PHACTR3: variants seen among roughly 807,000 people sequenced by gnomAD.
PHACTR3 encodes phosphatase and actin regulator 3.
PHACTR3 carries 16 observed loss-of-function variants against 66.8 expected under a neutral mutation model. That is an observed-to-expected ratio of 0.24 (90% CI 0.16 to 0.36). The LOEUF (loss-of-function observed/expected upper bound fraction) is 0.36, where lower values mean the gene tolerates loss of function less well. Ranked by LOEUF, PHACTR3 falls within the 10% of genes least tolerant of loss-of-function variation. The probability of loss-of-function intolerance (pLI) is 1.00; values close to 1 mark genes in which losing one functional copy is unlikely to be tolerated. For synonymous variants in PHACTR3, 323 were observed against 292.1 expected (o/e 1.11, Z -1.08); for missense variants, 647 against 719.9 (o/e 0.90, Z 1.16).
chr20:59,580,347 A>T (rs2032822965), intron 1 of PHACTR3, among the ~76,000 whole-genome samples: 1 of 152,084 alleles, frequency 6.6e-6, no homozygotes, highest in Non-Finnish European at 1.5e-5. Context: ...AACCAGGAGG[A>T]TCTGTCCAGC....
chr20:59,808,350 C>T (rs1013352447), intron 8 of PHACTR3, among the ~76,000 whole-genome samples: 2 of 152,244 alleles, frequency 1.3e-5, no homozygotes, highest in Non-Finnish European at 2.9e-5. Flanking sequence ...TCTGTTTCCC[C>T]TTTCACCAGG....
At chr20:59,668,080 G>A (rs545833117) in intron 1 of PHACTR3, among the ~76,000 whole-genome samples, 8 of 152,138 alleles carry the variant, frequency 5.3e-5, no homozygotes, top group Non-Finnish European at 1.0e-4. Flanking sequence ...ACACCTGTAC[G>A]GACTTAGAGG....
chr20:59,663,526 T>G (rs1042636968), intron 1 of PHACTR3, among the ~76,000 whole-genome samples: 2 of 152,240 alleles, frequency 1.3e-5, no homozygotes, highest in Non-Finnish European at 2.9e-5. Context: ...AATGTTTCGG[T>G]TCACTCTTAC....
rs548207995 is a variant in PHACTR3, at chr20:59,743,364, C to T, written c.280+96C>T. ...CTGCTGATCTGTGACTTCCTGGCCCCTACACAGGAGGGGCAGATGTGCTTC... is the reference window on the plus strand; with the variant it reads ...CTGCTGATCTGTGACTTCCTGGCCCTTACACAGGAGGGGCAGATGTGCTTC... On this transcript the variant is annotated intron_variant, in intron 2 of 12. Coordinates refer to ENST00000371015, the MANE Select transcript of PHACTR3 (RefSeq NM_080672.5). 35 of 1,466,280 alleles carry T rather than the reference C, an allele frequency of 2.4e-5. No individual in the cohort carries two copies. In the South Asian group the frequency reaches 4.0e-4, roughly 17 times the overall value. The allele number at this position is 1,466,280 out of a possible 1,614,324, so 90.8% of individuals were successfully genotyped here. A position where few individuals can be genotyped will look rare whatever the true frequency, so the allele number is the denominator to read the frequency against.
Position 59,773,389 on chromosome 20 carries a change from C to G in PHACTR3, c.862C>G (p.Leu288Val). Residue 288 changes from leucine to valine, a missense_variant, in exon 6 of 13, where the codon CTT becomes GTT. Leu to Val is a conservative substitution (Grantham distance 32). Around this residue, in one of 2 missense-constraint regions of PHACTR3, gnomAD observed 577 missense variants for 571.1 expected, o/e 1.01. Transcript: ENST00000371015. ...SPHLTTVHRP[L>V]PPSRVIEELH... ...GCATCTCACCACGGTCCACCGGCCT[C>G]TTCCCCCAAGCCGCGTCATTGAGGA... The G allele has an allele frequency of 6.2e-7, 1 of 1,614,188 alleles. No individual in the cohort carries two copies. Among genetic ancestry groups the G allele is most frequent in the Non-Finnish European group, 8.5e-7 (1 of 1,180,040 alleles).
intron 1 of PHACTR3, among the ~76,000 whole-genome samples, chr20:59,584,198 A>G (rs549400708): frequency 1.3e-5 from 2 of 152,212 alleles, no homozygotes; most frequent in African/African-American, 4.8e-5. Flanking sequence ...GTGAACGTGC[A>G]TGAGAGTGTG....
chr20:59,788,546 A>T (rs2040994475), intron 7 of PHACTR3, among the ~76,000 whole-genome samples: 1 of 152,132 alleles, frequency 6.6e-6, no homozygotes, highest in Non-Finnish European at 1.5e-5. Context: ...AAAGGTGAGC[A>T]GGCCCAAGCT....
At chr20:59,787,659 C>T (rs370878910) in intron 7 of PHACTR3, among the ~76,000 whole-genome samples, 95 of 152,318 alleles carry the variant, frequency 6.2e-4, no homozygotes, top group African/African-American at 2.2e-3. Flanking sequence ...CTTAGACAGC[C>T]CCTCTGGCCA....
intron 3 of PHACTR3, among the ~76,000 whole-genome samples, chr20:59,751,999 G>A (rs1161296825): frequency 6.6e-6 from 1 of 152,112 alleles, no homozygotes; most frequent in African/African-American, 2.4e-5. Context: ...GCGTTGACTT[G>A]GCATTTTCTT....
chr20:59,688,862 C>T lies in PHACTR3; in HGVS notation c.119-54245C>T, dbSNP rs143259847. ...TTTTAATGTGATCAGGACAAAGAGG[C>T]CAAGAGTGTTGTAGGAAGTAAGCTT... is the stretch of plus-strand genomic sequence containing the variant. On this transcript the variant is annotated intron_variant, in intron 1 of 12. Transcript: ENST00000371015. 2.4e-3 allele frequency among the ~76,000 whole-genome samples: 367 copies of T among 152,192 alleles called. 4 individuals carry two copies. Among genetic ancestry groups the T allele is most frequent in the African/African-American group, 8.2e-3 (340 of 41,524 alleles).
chr20:59,767,419 A>G (rs369651937), intron 5 of PHACTR3, 24 bp downstream of exon 5: 651 of 1,604,494 alleles, frequency 4.1e-4, no homozygotes, highest in Non-Finnish European at 5.3e-4. Context: ...CATCCTGCCC[A>G]TTCTATTTCC....
intron 1 of PHACTR3, among the ~76,000 whole-genome samples, chr20:59,741,111 C>T (rs140022798): frequency 6.6e-6 from 1 of 152,248 alleles, no homozygotes; most frequent in Admixed American, 6.5e-5. Flanking sequence ...GACCTCCTTC[C>T]TCAGGTGAGC....
intron 7 of PHACTR3, among the ~76,000 whole-genome samples, chr20:59,780,225 GC>G (rs2040678949): frequency 6.6e-6 from 1 of 152,204 alleles, no homozygotes; most frequent in Non-Finnish European, 1.5e-5. Context: ...TGACAGCAAG[GC>G]TGCAGGCTAG....
At chr20:59,733,149 G>A (rs2038829341) in intron 1 of PHACTR3, among the ~76,000 whole-genome samples, 1 of 149,018 alleles carries the variant, frequency 6.7e-6, no homozygotes, top group Admixed American at 6.7e-5. Flanking sequence ...ATTATAAGCA[G>A]TGTGACTATA....
At chr20:59,723,723 CAT>C (rs1343381482) in intron 1 of PHACTR3, among the ~76,000 whole-genome samples, 1 of 151,868 alleles carries the variant, frequency 6.6e-6, no homozygotes, top group Admixed American at 6.6e-5. Flanking sequence ...GTCGAATGGT[CAT>C]ATGGCGACTC....
intron 1 of PHACTR3, among the ~76,000 whole-genome samples, chr20:59,629,344 G>A (rs565288431): frequency 6.6e-6 from 1 of 152,356 alleles, no homozygotes; most frequent in South Asian, 2.1e-4. Flanking sequence ...GGCCCTGGCT[G>A]CCTGAGAAGG....
intron 1 of PHACTR3, among the ~76,000 whole-genome samples, chr20:59,582,585 A>G (rs2032894249): frequency 6.6e-6 from 1 of 152,194 alleles, no homozygotes; most frequent in Admixed American, 6.5e-5. Flanking sequence ...TCTCGCCAGC[A>G]CTTGATACAT....
chr20:59,785,908 C>A (rs907195589), intron 7 of PHACTR3, among the ~76,000 whole-genome samples: 41 of 151,114 alleles, frequency 2.7e-4, no homozygotes, highest in African/African-American at 9.8e-4. Flanking sequence ...CCCTCTGCAT[C>A]CCCTGCTTCT....
intron 7 of PHACTR3, among the ~76,000 whole-genome samples, chr20:59,803,787 C>T (rs2041487763): frequency 6.6e-6 from 1 of 152,110 alleles, no homozygotes; most frequent in Admixed American, 6.5e-5. Context: ...CTTTCATGTA[C>T]TTTTTATGTG....
Sources: allele counts gnomAD v4.1 joint callset (sites outside exome capture counted in the v4.1 genomes callset), GRCh38; gene constraint gnomAD v4.1.1; regional missense constraint gnomAD v4.1.1; transcripts MANE v1.5; gene names NCBI Gene and HGNC (gene_info 2026-07-23, HGNC 2026-07-21).